The following NR2C2 variants were observed in gnomAD, a reference collection of about 807,000 sequenced individuals.
NR2C2 encodes the protein Nuclear hormone receptor TR4.
A neutral mutation model predicts 62.9 loss-of-function variants in NR2C2; 6 were observed. The ratio of observed to expected loss-of-function variants is 0.10; its 90% CI spans 0.05 to 0.19. The LOEUF (loss-of-function observed/expected upper bound fraction) is 0.19. Ranked by LOEUF, NR2C2 falls within the 10% of genes least tolerant of loss-of-function variation. The pLI is 1.00. For missense variants in NR2C2, 479 were observed against 762.7 expected (o/e 0.63, Z 4.38); for synonymous variants, 272 against 273.8 (o/e 0.99, Z 0.07).
At chr3:15,004,356 T>G (rs1371276601) in intron 2 of NR2C2, among the ~76,000 whole-genome samples, 1 of 152,226 alleles carries the variant, frequency 6.6e-6, no homozygotes, top group Admixed American at 6.5e-5. Context: ...ATGCCTCACT[T>G]TCTTCATTTG....
At chr3:15,027,282 A>G (rs1489565355) in intron 7 of NR2C2, among the ~76,000 whole-genome samples, 2 of 152,230 alleles carry the variant, frequency 1.3e-5, no homozygotes, top group Non-Finnish European at 2.9e-5. Context: ...TATAGGCGTG[A>G]GCCACCACGC....
chr3:15,035,679 A>T (rs1470575680), intron 11 of NR2C2, among the ~76,000 whole-genome samples: 1 of 152,030 alleles, frequency 6.6e-6, no homozygotes, highest in Non-Finnish European at 1.5e-5. Context: ...GGATCACTGG[A>T]GGTCAGGACA....
intron 3 of NR2C2, among the ~76,000 whole-genome samples, chr3:15,015,140 A>G (rs1040339996): frequency 6.6e-6 from 1 of 151,852 alleles, no homozygotes; most frequent in African/African-American, 2.4e-5. Context: ...CCTTTAGAGT[A>G]CTCCTTGTCT....
intron 1 of NR2C2, among the ~76,000 whole-genome samples, chr3:14,971,611 A>G (rs768251770): frequency 6.6e-6 from 1 of 151,568 alleles, no homozygotes; most frequent in Non-Finnish European, 1.5e-5. Context: ...AGCAGTGCAC[A>G]AGGGTTCTAG....
chr3:14,958,438 T>C (rs2039589737), intron 1 of NR2C2, among the ~76,000 whole-genome samples: 1 of 152,044 alleles, frequency 6.6e-6, no homozygotes. Context: ...GGGGCAATCT[T>C]TGAAGGTTAA....
In NR2C2 at chr3:15,001,318, G is replaced by GTTTTTTTTTTTTTTTTTTTTGTT. The variant is rs2040991526; in HGVS notation, c.-39-2537_-39-2536insTTTTTTTTTTTTTTTTTTTTTTG. On this transcript the variant is annotated intron_variant, in intron 1 of 13. Transcript: ENST00000425241. The stretch of plus-strand genomic sequence containing the variant: ...ATTGATTATTGTGTTTTTGTTTTGG[G>GTTTTTTTTTTTTTTTTTTTTGTT]TTTTTTTTTTTTTTTTTTTTGGTTT... 9.2e-5 allele frequency among the ~76,000 whole-genome samples: 9 copies of GTTTTTTTTTTTTTTTTTTTTGTT among 97,486 alleles called. 1 individual carries two copies. Among genetic ancestry groups the GTTTTTTTTTTTTTTTTTTTTGTT allele is most frequent in the Admixed American group, 2.4e-4 (2 of 8,300 alleles). 64.0% of individuals were successfully genotyped at this position (97,486 alleles called of 152,430 possible).
chr3:15,029,164 A>G (rs141584772), intron 8 of NR2C2, among the ~76,000 whole-genome samples: 2,371 of 146,948 alleles, frequency 0.016, 30 homozygotes, highest in Non-Finnish European at 0.026. Context: ...AGGCTGGTCT[A>G]GAACTCTTGG....
At position 14,990,818 on chromosome 3, in the gene NR2C2, T is replaced by C. The variant is rs576382708; in HGVS notation, c.-39-13058T>C. Among the ~76,000 whole-genome samples, 11 of 152,344 alleles carry C rather than the reference T, an allele frequency of 7.2e-5. No homozygotes were observed. In the South Asian group the frequency reaches 1.7e-3, roughly 23 times the overall value. ...CTTATTTTTACAGCAGTTAGTATAA[T>C]AGCAGTGGATTTAGACACCTATTGT... is the stretch of plus-strand genomic sequence containing the variant. On this transcript the variant is annotated intron_variant, in intron 1 of 13. Transcript: ENST00000425241.
Position 15,047,213 on chromosome 3 carries a change from C to G in NR2C2, c.*4205C>G, listed in dbSNP as rs2042488488. The stretch of plus-strand genomic sequence containing the variant: ...AAACTGATATGGGTGTTCCAAGGTC[C>G]CTCGGCAGGGAAGATTTGCTGGTGA... On this transcript the variant is annotated 3_prime_UTR_variant, in exon 14 of 14. Transcript: ENST00000425241. 1 of 152,516 alleles carries G rather than the reference C, an allele frequency of 6.6e-6. No individual in the cohort carries two copies. The allele number at this position is 152,516 out of a possible 1,614,324, so 9.4% of individuals were successfully genotyped here. A position where few individuals can be genotyped will look rare whatever the true frequency, so the allele number is the denominator to read the frequency against.
intron 1 of NR2C2, among the ~76,000 whole-genome samples, chr3:14,961,358 T>C (rs557474884): frequency 6.6e-6 from 1 of 152,308 alleles, no homozygotes; most frequent in South Asian, 2.1e-4. Context: ...TTTTGTAAAA[T>C]TGTATTGCAA....
intron 1 of NR2C2, among the ~76,000 whole-genome samples, chr3:14,960,962 T>C (rs2039673465): frequency 1.3e-5 from 2 of 152,358 alleles, no homozygotes; most frequent in South Asian, 4.1e-4. Context: ...TTGTGTTTTT[T>C]TCTTGTAGAA....
intron 2 of NR2C2, among the ~76,000 whole-genome samples, chr3:15,010,462 TA>T (rs1399622426): frequency 6.6e-6 from 1 of 151,938 alleles, no homozygotes; most frequent in Non-Finnish European, 1.5e-5. Context: ...TTCTCACCTG[TA>T]AACTCCTTGG....
intron 1 of NR2C2, among the ~76,000 whole-genome samples, chr3:14,997,057 C>G (rs2124885386): frequency 6.6e-6 from 1 of 152,324 alleles, no homozygotes; most frequent in South Asian, 2.1e-4. Flanking sequence ...CAAATGTGAA[C>G]CACATAATGA....
At chr3:14,978,942 C>T (rs1006731775) in intron 1 of NR2C2, among the ~76,000 whole-genome samples, 3 of 152,172 alleles carry the variant, frequency 2.0e-5, no homozygotes, top group African/African-American at 7.2e-5. Context: ...TTAGGGCCTG[C>T]TTCTCAACCC....
At chr3:15,017,840 A>G (rs1391430993) in intron 4 of NR2C2, among the ~76,000 whole-genome samples, 2 of 152,274 alleles carry the variant, frequency 1.3e-5, no homozygotes, top group East Asian at 1.9e-4. Context: ...CATAAATGGT[A>G]ATCCTGTGAA....
chr3:15,036,596 C>A (rs1352718850), intron 11 of NR2C2, among the ~76,000 whole-genome samples: 3 of 152,102 alleles, frequency 2.0e-5, no homozygotes, highest in Admixed American at 6.5e-5. Flanking sequence ...CTCAAGTGAT[C>A]CTCCTGCCTC....
chr3:15,039,430 T>C (rs979651543), intron 13 of NR2C2, among the ~76,000 whole-genome samples: 4 of 152,296 alleles, frequency 2.6e-5, no homozygotes, highest in African/African-American at 9.6e-5. Context: ...CTAGAGGTGG[T>C]GTAGAGTGTA....
chr3:15,021,834 T>C (rs941510792), intron 5 of NR2C2, among the ~76,000 whole-genome samples: 3 of 152,220 alleles, frequency 2.0e-5, no homozygotes, highest in African/African-American at 7.2e-5. Flanking sequence ...GGAACAGGAA[T>C]CCACAAAATT....
At chr3:15,025,110 G>A (rs2041787489) in intron 7 of NR2C2, among the ~76,000 whole-genome samples, 1 of 152,232 alleles carries the variant, frequency 6.6e-6, no homozygotes, top group African/African-American at 2.4e-5. Context: ...ACGCATCGTG[G>A]GCTTAGCTTA....
Sources: allele counts gnomAD v4.1 joint callset (sites outside exome capture counted in the v4.1 genomes callset), GRCh38; gene constraint gnomAD v4.1.1; transcripts MANE v1.5; gene names NCBI Gene and HGNC (gene_info 2026-07-23, HGNC 2026-07-21).